FNDC3B: variants seen among roughly 807,000 people sequenced by gnomAD.
FNDC3B encodes the protein fibronectin type III domain-containing protein 3B.
Under a neutral mutation model 151.5 loss-of-function variants are expected in FNDC3B, and 12 were observed. That is an observed-to-expected ratio of 0.08 (90% CI 0.05 to 0.13). The LOEUF is 0.13. Ranked by LOEUF, FNDC3B falls within the 10% of genes least tolerant of loss-of-function variation. The probability of loss-of-function intolerance (pLI) is 1.00; values close to 1 mark genes in which losing one functional copy is unlikely to be tolerated. For synonymous variants in FNDC3B, 528 were observed against 549.0 expected (o/e 0.96, Z 0.54); for missense variants, 1,214 against 1,505.3 (o/e 0.81, Z 3.20).
At chr3:172,340,111 T>C (rs1205252286) in intron 16 of FNDC3B, among the ~76,000 whole-genome samples, 2 of 152,186 alleles carry the variant, frequency 1.3e-5, no homozygotes, top group African/African-American at 2.4e-5. Context: ...CCTGGAATTG[T>C]GAGTCAGGCA....
intron 25 of FNDC3B, among the ~76,000 whole-genome samples, chr3:172,395,009 G>A (rs1381275635): frequency 6.6e-6 from 1 of 152,098 alleles, no homozygotes; most frequent in African/African-American, 2.4e-5. Flanking sequence ...CTCATTAGAT[G>A]CAAAGAAAGT....
chr3:172,142,307 C>T (rs1413523684), intron 3 of FNDC3B, among the ~76,000 whole-genome samples: 1 of 152,170 alleles, frequency 6.6e-6, no homozygotes, highest in South Asian at 2.1e-4. Context: ...GATGTCTTCA[C>T]GTTTAAATTC....
chr3:172,258,279 T>C (rs1728467231), intron 6 of FNDC3B, among the ~76,000 whole-genome samples: 2 of 152,198 alleles, frequency 1.3e-5, no homozygotes, highest in Admixed American at 1.3e-4. Context: ...CTGGTTATGA[T>C]ACCGAAAGCC....
At chr3:172,268,687 C>T (rs2108800110) in intron 6 of FNDC3B, among the ~76,000 whole-genome samples, 1 of 152,248 alleles carries the variant, frequency 6.6e-6, no homozygotes, top group East Asian at 1.9e-4. Context: ...AGAGGAGAGG[C>T]AAAGCTGAGG....
intron 3 of FNDC3B, among the ~76,000 whole-genome samples, chr3:172,181,827 C>CAAAAAAAA (rs747723219): frequency 1.6e-5 from 1 of 61,572 alleles, no homozygotes; most frequent in Admixed American, 2.3e-4. Context: ...GACTCCATCT[C>CAAAAAAAA]AAAAAAAAAA....
chr3:172,355,550 C>T (rs903011246), intron 22 of FNDC3B, among the ~76,000 whole-genome samples: 1 of 152,106 alleles, frequency 6.6e-6, no homozygotes, highest in Non-Finnish European at 1.5e-5. Context: ...CTTTAATTAG[C>T]CTTTCAGGAG....
rs989180246 is a variant in FNDC3B at position 172,399,320 on chromosome 3, T to A, written c.*1845T>A. 1.3e-5 allele frequency: 2 copies of A among 152,592 alleles called. No homozygotes were observed. Among genetic ancestry groups the A allele is most frequent in the African/African-American group, 2.4e-5 (1 of 41,440 alleles). 9.5% of individuals were successfully genotyped at this position (152,592 alleles called of 1,614,324 possible). On this transcript the variant is annotated 3_prime_UTR_variant, in exon 26 of 26. Coordinates refer to ENST00000415807, the MANE Select transcript of FNDC3B (RefSeq NM_022763.4). ...AGGTCAGTCTTGTTCCTTGGCAACA[T>A]CTGTAGTATTATTAATCTTCTGACA... is the stretch of plus-strand genomic sequence containing the variant.
chr3:172,142,793 A>G (rs1054731036), intron 3 of FNDC3B, among the ~76,000 whole-genome samples: 8 of 152,238 alleles, frequency 5.3e-5, no homozygotes, highest in Non-Finnish European at 1.2e-4. Flanking sequence ...AAAATACCAG[A>G]GACCGGGTGG....
intron 4 of FNDC3B, among the ~76,000 whole-genome samples, chr3:172,227,704 C>CT (rs1560027933): frequency 6.6e-6 from 1 of 152,004 alleles, no homozygotes; most frequent in African/African-American, 2.4e-5. Flanking sequence ...GTCTTTCTGC[C>CT]TTTTTTGTTC....
chr3:172,039,830 G>C (rs943377232), intron 1 of FNDC3B, 59 bp downstream of exon 1: 1 of 152,470 alleles, frequency 6.6e-6, no homozygotes, highest in Non-Finnish European at 1.5e-5. Flanking sequence ...CGATCGCCGG[G>C]TCCCGGTGCA....
chr3:172,239,931 C>T (rs1329988346), intron 4 of FNDC3B, among the ~76,000 whole-genome samples: 15 of 124,930 alleles, frequency 1.2e-4, no homozygotes, highest in East Asian at 5.1e-4. Context: ...TGCAGTGACG[C>T]GATCTTGGCT....
At chr3:172,340,706 G>A (rs1000214461) in intron 16 of FNDC3B, among the ~76,000 whole-genome samples, 1 of 152,180 alleles carries the variant, frequency 6.6e-6, no homozygotes, top group South Asian at 2.1e-4. Context: ...TACCACCCCA[G>A]ACTTGCCAGA....
At chr3:172,095,729 A>C (rs1576858141) in intron 1 of FNDC3B, among the ~76,000 whole-genome samples, 1 of 152,122 alleles carries the variant, frequency 6.6e-6, no homozygotes, top group Non-Finnish European at 1.5e-5. Context: ...CTTTCTACCT[A>C]CTTTATCAAA....
At chr3:172,106,489 G>C (rs1243426622) in intron 1 of FNDC3B, among the ~76,000 whole-genome samples, 1 of 152,182 alleles carries the variant, frequency 6.6e-6, no homozygotes, top group African/African-American at 2.4e-5. Context: ...TTTTGGTACT[G>C]TTATGTTTCT....
chr3:172,123,301 A>G (rs1720647158), intron 2 of FNDC3B, among the ~76,000 whole-genome samples: 1 of 152,138 alleles, frequency 6.6e-6, no homozygotes, highest in Non-Finnish European at 1.5e-5. Context: ...GACCTCCCAA[A>G]ATGTGGGATT....
chr3:172,258,305 A>G (rs1014825099), intron 6 of FNDC3B, among the ~76,000 whole-genome samples: 1 of 152,164 alleles, frequency 6.6e-6, no homozygotes, highest in African/African-American at 2.4e-5. Flanking sequence ...TGAGGGCATT[A>G]TTCTTGTGCA....
In FNDC3B at chr3:172,161,858, T is replaced by A. The variant is rs565106428; in HGVS notation, c.187+28312T>A. Among the ~76,000 whole-genome samples, 3 of 152,170 alleles carry A rather than the reference T, an allele frequency of 2.0e-5. No homozygotes were observed. The South Asian group carries it at 6.2e-4, about 32-fold the overall frequency. ...AGCAGTTACCCCTGATTCCCCTACATCCCCAGCACTAGGCCACCAGTAATG... is the reference window on the plus strand; with the variant it reads ...AGCAGTTACCCCTGATTCCCCTACAACCCCAGCACTAGGCCACCAGTAATG... On this transcript the variant is annotated intron_variant, in intron 3 of 25. Coordinates refer to ENST00000415807, the MANE Select transcript of FNDC3B (RefSeq NM_022763.4).
At chr3:172,197,531 C>T (rs1346562684) in intron 3 of FNDC3B, among the ~76,000 whole-genome samples, 3 of 152,186 alleles carry the variant, frequency 2.0e-5, no homozygotes, top group African/African-American at 2.4e-5. Context: ...ATTGAGGTTT[C>T]GGCGGTGAGC....
intron 4 of FNDC3B, among the ~76,000 whole-genome samples, chr3:172,230,308 C>T (rs376150318): frequency 2.7e-5 from 4 of 146,348 alleles, no homozygotes; most frequent in African/African-American, 7.6e-5. Context: ...GCCTGACCAA[C>T]ATGATGAAAC....
Sources: allele counts gnomAD v4.1 joint callset (sites outside exome capture counted in the v4.1 genomes callset), GRCh38; gene constraint gnomAD v4.1.1; transcripts MANE v1.5; gene names NCBI Gene and HGNC (gene_info 2026-07-23, HGNC 2026-07-21).